Variants in KCNMA1 observed in about 807,000 individuals in gnomAD.
The protein encoded by KCNMA1 is potassium calcium-activated channel subfamily M alpha 1, also known as Calcium-activated potassium channel subunit alpha-1.
KCNMA1 carries 29 observed loss-of-function variants against 140.0 expected under a neutral mutation model. The observed-to-expected ratio is 0.21, with a 90% CI of 0.15 to 0.28. The LOEUF is 0.28. KCNMA1 is among the 10% of genes least tolerant of loss of function. The pLI is 1.00. For synonymous variants in KCNMA1, 612 were observed against 611.9 expected (o/e 1.00, Z 0.00); for missense variants, 880 against 1,602.2 (o/e 0.55, Z 7.70).
Position 77,252,618 on chromosome 10 carries a change from A to C in KCNMA1, c.541-1362T>G, listed in dbSNP as rs1033808953. 5.3e-5 allele frequency among the ~76,000 whole-genome samples: 8 copies of C among 152,004 alleles called. No homozygotes were observed. The East Asian group carries it at 5.8e-4, about 11-fold the overall frequency. On this transcript the variant is annotated intron_variant, in intron 2 of 27. Coordinates refer to ENST00000286628, the MANE Select transcript of KCNMA1 (RefSeq NM_001161352.2). ...ATCTCTCTCTTTTACACCCACCCAC[A>C]CACACACACACTCCTGTATTTTTTA...
chr10:77,500,815 C>T (rs556885444), intron 1 of KCNMA1, among the ~76,000 whole-genome samples: 8 of 152,278 alleles, frequency 5.3e-5, no homozygotes, highest in Admixed American at 1.3e-4. Context: ...GGAATTTCTG[C>T]GTTAACTGGT....
At chr10:77,512,211 T>G (rs1438792755) in intron 1 of KCNMA1, among the ~76,000 whole-genome samples, 13 of 152,204 alleles carry the variant, frequency 8.5e-5, no homozygotes, top group Admixed American at 8.5e-4. Context: ...GATTTATAGC[T>G]TATCTGCTTT....
chr10:77,098,395 C>T (rs1457985817), intron 9 of KCNMA1, among the ~76,000 whole-genome samples: 1 of 152,058 alleles, frequency 6.6e-6, no homozygotes. Flanking sequence ...ACTCTTAAAT[C>T]TTGGATGGGC....
chr10:77,625,145 G>C (rs1264914364), intron 1 of KCNMA1, among the ~76,000 whole-genome samples: 3 of 152,184 alleles, frequency 2.0e-5, no homozygotes, highest in Admixed American at 6.5e-5. Context: ...TGTAATCCCA[G>C]CACTTTGGGA....
intron 1 of KCNMA1, among the ~76,000 whole-genome samples, chr10:77,525,116 A>G (rs1228204707): frequency 6.6e-6 from 1 of 152,240 alleles, no homozygotes; most frequent in Non-Finnish European, 1.5e-5. Flanking sequence ...TTTTGTAGCC[A>G]ATGTATACAC....
chr10:77,580,948 C>T (rs1170533585), intron 1 of KCNMA1, among the ~76,000 whole-genome samples: 1 of 152,194 alleles, frequency 6.6e-6, no homozygotes, highest in African/African-American at 2.4e-5. Flanking sequence ...CTATTTTCTC[C>T]ACTTTGCAGA....
chr10:77,324,965 C>CTGTG (rs1275669100), intron 2 of KCNMA1, among the ~76,000 whole-genome samples: 21 of 106,142 alleles, frequency 2.0e-4, no homozygotes, highest in African/African-American at 7.9e-4. Context: ...CTCTCTCTCT[C>CTGTG]TCTCTCTGTG....
chr10:77,240,512 G>C (rs2056998505), intron 3 of KCNMA1, among the ~76,000 whole-genome samples: 1 of 152,184 alleles, frequency 6.6e-6, no homozygotes. Flanking sequence ...GCCAATTCAA[G>C]ACCAGAAAGA....
intron 1 of KCNMA1, among the ~76,000 whole-genome samples, chr10:77,471,908 AC>A (rs201912929): frequency 0.013 from 1,994 of 151,528 alleles, 56 homozygotes; most frequent in African/African-American, 0.046. Context: ...GTATACACAC[AC>A]TATACACACA....
At chr10:77,199,966 T>TTAAA (rs2041939460) in intron 3 of KCNMA1, among the ~76,000 whole-genome samples, 3 of 152,154 alleles carry the variant, frequency 2.0e-5, no homozygotes, top group Non-Finnish European at 4.4e-5. Context: ...AAATCTAGTT[T>TTAAA]TTGAGACAGA....
chr10:77,586,460 T>C (rs376984524), intron 1 of KCNMA1: 1 of 152,360 alleles, frequency 6.6e-6, no homozygotes, highest in East Asian at 1.9e-4. Context: ...TAGTAATTTC[T>C]GTTTCATTTC....
chr10:76,915,791 C>A (rs2052578782), intron 23 of KCNMA1, among the ~76,000 whole-genome samples: 1 of 152,044 alleles, frequency 6.6e-6, no homozygotes, highest in African/African-American at 2.4e-5. Context: ...GAAGTGTTTC[C>A]TTGCTCTTAA....
chr10:77,185,218 G>A (rs1021222862), intron 3 of KCNMA1, among the ~76,000 whole-genome samples: 3 of 151,966 alleles, frequency 2.0e-5, no homozygotes, highest in Non-Finnish European at 2.9e-5. Context: ...CAGATACCCT[G>A]GAGGAAGGAC....
At chr10:77,208,951 G>C (rs952720194) in intron 3 of KCNMA1, among the ~76,000 whole-genome samples, 4 of 152,180 alleles carry the variant, frequency 2.6e-5, no homozygotes, top group Admixed American at 2.0e-4. Context: ...TGGTTATGCA[G>C]TACTTGGCCA....
At chr10:77,109,909 C>A (rs531043032) in intron 8 of KCNMA1, among the ~76,000 whole-genome samples, 1 of 152,286 alleles carries the variant, frequency 6.6e-6, no homozygotes, top group East Asian at 1.9e-4. Context: ...AACAGCATCA[C>A]TTTTCTTAAG....
rs1443461307 is a variant in KCNMA1, at chr10:77,108,622, AG to A, written c.1132-51del. The stretch of plus-strand genomic sequence containing the variant: ...AGACTAAAAAGACAGGCCAAAGAAA[AG>A]GGGGGACCTGTTCAGAGGGTGGGGG... On this transcript the variant is annotated intron_variant, in intron 8 of 27. Coordinates refer to ENST00000286628, the MANE Select transcript of KCNMA1 (RefSeq NM_001161352.2). This position sits in a 1 kb window ranked among gnomAD's most constrained non-coding sequence, Gnocchi z 4.6. 2.2e-6 allele frequency: 3 copies of A among 1,384,222 alleles called. No homozygotes were observed. The highest frequency in any genetic ancestry group is 1.9e-4 in the Middle Eastern group (1 of 5,332). The allele number at this position is 1,384,222 out of a possible 1,614,324, so 85.7% of individuals were successfully genotyped here.
intron 1 of KCNMA1, among the ~76,000 whole-genome samples, chr10:77,572,107 C>T (rs1354734258): frequency 1.3e-5 from 2 of 152,140 alleles, no homozygotes; most frequent in African/African-American, 4.8e-5. Context: ...AAAGAATCTA[C>T]AAAGACTGTA....
intron 10 of KCNMA1, among the ~76,000 whole-genome samples, chr10:77,089,924 G>A (rs2096776140): frequency 6.6e-6 from 1 of 152,098 alleles, no homozygotes; most frequent in East Asian, 1.9e-4. Flanking sequence ...GTCCCATGCT[G>A]GGGGTTCCTA....
intron 1 of KCNMA1, among the ~76,000 whole-genome samples, chr10:77,411,315 G>T (rs548790585): frequency 6.6e-6 from 1 of 152,304 alleles, no homozygotes; most frequent in South Asian, 2.1e-4. Flanking sequence ...GGAAGGAGGA[G>T]AGGAGGGAGG....
Sources: allele counts gnomAD v4.1 joint callset (sites outside exome capture counted in the v4.1 genomes callset), GRCh38; gene constraint gnomAD v4.1.1; non-coding constraint Gnocchi (gnomAD v3.1); transcripts MANE v1.5; gene names NCBI Gene and HGNC (gene_info 2026-07-23, HGNC 2026-07-21).